ASTN1: variants seen among roughly 807,000 people sequenced by gnomAD.
The protein encoded by ASTN1 is astrotactin 1.
A neutral mutation model predicts 140.7 loss-of-function variants in ASTN1; 41 were observed. The ratio of observed to expected loss-of-function variants is 0.29; its 90% CI spans 0.23 to 0.38. The LOEUF is 0.38. Among genes scored for constraint, ASTN1 ranks in the 10% least tolerant of loss-of-function variants. ASTN1 has a pLI of 1.00. For missense variants in ASTN1, 1,479 were observed against 1,678.8 expected (o/e 0.88, Z 2.08); for synonymous variants, 640 against 652.2 (o/e 0.98, Z 0.29).
At chr1:176,923,677 T>C (rs1407435566) in intron 16 of ASTN1, among the ~76,000 whole-genome samples, 1 of 152,172 alleles carries the variant, frequency 6.6e-6, no homozygotes, top group African/African-American at 2.4e-5. Context: ...GTCATAGGTA[T>C]GTAGGTACAG....
chr1:177,090,817 C>T (rs1208751838), intron 1 of ASTN1, among the ~76,000 whole-genome samples: 5 of 151,980 alleles, frequency 3.3e-5, no homozygotes, highest in African/African-American at 1.2e-4. Context: ...AGTCAACTCC[C>T]AAGGCTCCCA....
intron 1 of ASTN1, among the ~76,000 whole-genome samples, chr1:177,131,489 A>C (rs757630623): frequency 1.1e-4 from 17 of 152,192 alleles, no homozygotes; most frequent in Non-Finnish European, 2.2e-4. Flanking sequence ...AGAATTTAAT[A>C]GTAAACCCAT....
At chr1:177,088,387 G>A (rs924438125) in intron 1 of ASTN1, among the ~76,000 whole-genome samples, 12 of 152,140 alleles carry the variant, frequency 7.9e-5, no homozygotes, top group Non-Finnish European at 1.6e-4. Context: ...AATCGAGGCA[G>A]TTTACTTAAG....
At chr1:177,053,115 A>G (rs1351979790) in intron 2 of ASTN1, among the ~76,000 whole-genome samples, 1 of 152,222 alleles carries the variant, frequency 6.6e-6, no homozygotes, top group Non-Finnish European at 1.5e-5. Context: ...CTTTATTACT[A>G]TGAATATTAC....
At chr1:176,878,822 TG>T (rs1279176854) in intron 20 of ASTN1, among the ~76,000 whole-genome samples, 2 of 152,128 alleles carry the variant, frequency 1.3e-5, no homozygotes, top group African/African-American at 4.8e-5. Context: ...CTCATACCCG[TG>T]TTTCCTCCAT....
chr1:176,934,148 T>C lies in ASTN1; in HGVS notation c.2671+4A>G. 1 of 1,600,866 alleles carries C rather than the reference T, an allele frequency of 6.2e-7. No individual in the cohort carries two copies. Among genetic ancestry groups the C allele is most frequent in the Non-Finnish European group, 8.6e-7 (1 of 1,169,290 alleles). ...TGGAATTTGCCAACAAGCATGCCAC[T>C]CACCTTTACTGATGTCTTCATACTC... On this transcript the variant is annotated splice_donor_region_variant and intron_variant, in intron 16 of 22. Transcript: ENST00000361833.
At chr1:177,068,614 G>A (rs936718876) in intron 1 of ASTN1, among the ~76,000 whole-genome samples, 4 of 151,974 alleles carry the variant, frequency 2.6e-5, no homozygotes, top group East Asian at 1.9e-4. Context: ...TCAAACCATG[G>A]GACTAGATTT....
chr1:177,085,089 G>C (rs1474265132), intron 1 of ASTN1, among the ~76,000 whole-genome samples: 2 of 152,140 alleles, frequency 1.3e-5, no homozygotes, highest in Admixed American at 6.5e-5. Context: ...TAAGAAATGA[G>C]ACTTACTAAA....
chr1:176,913,966 A>C (rs987583134), intron 16 of ASTN1, among the ~76,000 whole-genome samples: 1 of 152,252 alleles, frequency 6.6e-6, no homozygotes, highest in South Asian at 2.1e-4. Context: ...CTAATGACTT[A>C]TAAGGCAAAC....
At chr1:176,888,304 A>G in intron 17 of ASTN1, 100 bp from the exon 18 acceptor site, 1 of 1,387,602 alleles carries the variant, frequency 7.2e-7, no homozygotes, top group Non-Finnish European at 9.9e-7. Context: ...GCCCTAAATT[A>G]CTTCCAGCAG....
At chr1:176,997,182 A>G (rs1674495327) in intron 8 of ASTN1, among the ~76,000 whole-genome samples, 2 of 152,010 alleles carry the variant, frequency 1.3e-5, no homozygotes, top group African/African-American at 2.4e-5. Context: ...CAAGCCAGGC[A>G]CTCTCACTTT....
chr1:176,914,255 C>T (rs141914838), intron 16 of ASTN1, among the ~76,000 whole-genome samples: 63 of 152,212 alleles, frequency 4.1e-4, no homozygotes, highest in African/African-American at 1.4e-3. Context: ...GTCCTAAATT[C>T]TATGGTAGAG....
chr1:176,908,132 AAC>A (rs10669124), intron 16 of ASTN1, among the ~76,000 whole-genome samples: 5,983 of 149,640 alleles, frequency 0.04, 347 homozygotes, highest in African/African-American at 0.14. Flanking sequence ...TCTCTTATGC[AAC>A]ACACACACAC....
intron 2 of ASTN1, among the ~76,000 whole-genome samples, chr1:177,053,552 C>T (rs1677644634): frequency 6.6e-6 from 1 of 152,146 alleles, no homozygotes; most frequent in African/African-American, 2.4e-5. Flanking sequence ...TTCCTATCTA[C>T]TTAGTAGCTA....
rs867305381 is a variant in ASTN1 at position 177,031,017 on chromosome 1, A to T, written c.866-65T>A. The T allele has an allele frequency of 2.0e-6, 3 of 1,526,638 alleles. No homozygotes were observed. In the Middle Eastern group the frequency reaches 7.2e-4, roughly 366 times the overall value. 94.6% of individuals were successfully genotyped at this position (1,526,638 alleles called of 1,614,324 possible). On this transcript the variant is annotated intron_variant, in intron 3 of 22. Coordinates refer to ENST00000361833, the MANE Select transcript of ASTN1 (RefSeq NM_004319.3). Reference sequence around the variant, plus strand: ...AGACCAAAAGAAAGGGAGAAGAAGGAAATCTGCATAAACCAAGAAGATAAG... The same window carrying T: ...AGACCAAAAGAAAGGGAGAAGAAGGTAATCTGCATAAACCAAGAAGATAAG...
rs6697324 is a variant in ASTN1 at position 176,892,547 on chromosome 1, G to C, written c.2940+2015C>G. Among the ~76,000 whole-genome samples, 1,212 of 152,290 alleles carry C rather than the reference G, an allele frequency of 8.0e-3. 14 individuals are homozygous for C. The highest frequency in any genetic ancestry group is 0.026 in the African/African-American group (1,060 of 41,552). On this transcript the variant is annotated intron_variant, in intron 17 of 22. Coordinates refer to ENST00000361833, the MANE Select transcript of ASTN1 (RefSeq NM_004319.3). ...CAAGTATGAGTTTGTGCTGGAAGAT[G>C]ATGAGTTCAAATGTGTTGGGTTTGA... is the stretch of plus-strand genomic sequence containing the variant.
chr1:177,078,667 T>G (rs899669682), intron 1 of ASTN1, among the ~76,000 whole-genome samples: 1 of 152,192 alleles, frequency 6.6e-6, no homozygotes, highest in Non-Finnish European at 1.5e-5. Context: ...GGCCCTTTTT[T>G]CAGTCTGCAA....
At chr1:177,073,580 G>A (rs1678748267) in intron 1 of ASTN1, among the ~76,000 whole-genome samples, 1 of 146,254 alleles carries the variant, frequency 6.8e-6, no homozygotes, top group Admixed American at 7.0e-5. Context: ...ATTGCATCTA[G>A]TATGTGCCAG....
chr1:177,159,949 A>G (rs948062394), intron 1 of ASTN1, among the ~76,000 whole-genome samples: 7 of 152,306 alleles, frequency 4.6e-5, no homozygotes, highest in Non-Finnish European at 8.8e-5. Flanking sequence ...TTAGCTAACT[A>G]TTTTTTGATA....
Sources: gnomAD v4.1 joint callset for allele counts (sites outside exome capture counted in the v4.1 genomes callset) on GRCh38, gnomAD v4.1.1 for gene constraint, MANE v1.5 for transcripts, NCBI Gene and HGNC (gene_info 2026-07-23, HGNC 2026-07-21) for gene names.